The following SYTL2 variants were observed in gnomAD, a reference collection of about 807,000 sequenced individuals.
SYTL2 encodes synaptotagmin like 2.
Under a neutral mutation model 198.7 loss-of-function variants are expected in SYTL2, and 165 were observed. The ratio of observed to expected loss-of-function variants is 0.83; its 90% CI spans 0.73 to 0.94. The LOEUF (loss-of-function observed/expected upper bound fraction) is 0.94, where lower values mean the gene tolerates loss of function less well. Ranked by LOEUF, SYTL2 falls within the 40% of genes least tolerant of loss-of-function variation. The pLI, the probability that SYTL2 is intolerant of heterozygous loss-of-function variation, is 0.00. For missense variants in SYTL2, 2,835 were observed against 2,582.8 expected (o/e 1.10, Z -2.12); for synonymous variants, 966 against 917.7 (o/e 1.05, Z -0.95).
intron 1 of SYTL2, among the ~76,000 whole-genome samples, chr11:85,787,701 C>CTTTTTTTTTTTT (rs56177666): frequency 1.0e-4 from 9 of 90,414 alleles, no homozygotes; most frequent in East Asian, 3.0e-4. Context: ...TTTTCTTTTC[C>CTTTTTTTTTTTT]TTTTTTTTTT....
the SYTL2 span, among the ~76,000 whole-genome samples, chr11:85,836,740 T>C: frequency 1.3e-5 from 2 of 152,120 alleles, no homozygotes; most frequent in African/African-American, 4.8e-5. Context: ...TATTACATAT[T>C]ATATTTTATT....
chr11:85,732,250 C>A (rs1329862690), intron 7 of SYTL2, among the ~76,000 whole-genome samples: 1 of 152,168 alleles, frequency 6.6e-6, no homozygotes, highest in African/African-American at 2.4e-5. Context: ...GGGTATATAT[C>A]TAAAGTATTA....
At chr11:85,699,078 A>G (rs1308869997) in intron 17 of SYTL2, among the ~76,000 whole-genome samples, 1 of 152,258 alleles carries the variant, frequency 6.6e-6, no homozygotes, top group Non-Finnish European at 1.5e-5. Context: ...ATCATTAGAT[A>G]TACAGAGAAT....
chr11:85,719,183 T>C lies in SYTL2; in HGVS notation c.5429-340A>G, dbSNP rs887143549. On this transcript the variant is annotated intron_variant, in intron 9 of 19. Coordinates refer to ENST00000359152, the MANE Select transcript of SYTL2 (RefSeq NM_206927.4). ...TATTCTTCTGTAAAGGGTATGATGCTAGCCATGACTAACACCTTCCCAAAC... is the reference window on the plus strand; with the variant it reads ...TATTCTTCTGTAAAGGGTATGATGCCAGCCATGACTAACACCTTCCCAAAC... 72 of 1,282,152 alleles carry C rather than the reference T, an allele frequency of 5.6e-5. 1 individual carries two copies. The highest frequency in any genetic ancestry group is 6.9e-5 in the Non-Finnish European group (69 of 999,288). The allele number at this position is 1,282,152 out of a possible 1,614,324, so 79.4% of individuals were successfully genotyped here. A position where few individuals can be genotyped will look rare whatever the true frequency, so the allele number is the denominator to read the frequency against.
chr11:85,760,203 AC>A (rs2092057334), intron 1 of SYTL2, among the ~76,000 whole-genome samples: 1 of 152,202 alleles, frequency 6.6e-6, no homozygotes, highest in Non-Finnish European at 1.5e-5. Flanking sequence ...AAAAGGACAG[AC>A]CTGAACCTGA....
In SYTL2 at chr11:85,698,061, T is replaced by G. The variant is rs200001290; in HGVS notation, c.6286A>C (p.Thr2096Pro). The G allele has an allele frequency of 6.2e-5, 100 of 1,613,410 alleles. No homozygotes were observed. The highest frequency in any genetic ancestry group is 7.9e-5 in the Non-Finnish European group (93 of 1,179,580). Residue 2096 changes from threonine to proline, a missense_variant, in exon 18 of 20, where the codon ACT (threonine) becomes CCT (proline). Around this residue, in one of 3 missense-constraint regions of SYTL2, gnomAD observed 185 missense variants for 182.1 expected, o/e 1.02. Transcript: ENST00000359152. ...EPVPGKKLPT[T>P]GEVHIWVKEC... The stretch of plus-strand genomic sequence containing the variant: ...TTCACCCAGATGTGCACTTCTCCAG[T>G]TGTAGGAAGCTTTTTACCTACAATA...
chr11:85,738,112 G>T (rs1363884021), intron 4 of SYTL2, among the ~76,000 whole-genome samples: 1 of 152,150 alleles, frequency 6.6e-6, no homozygotes, highest in Non-Finnish European at 1.5e-5. Flanking sequence ...GGAGGTAGGG[G>T]TAAGATTCCT....
At chr11:85,763,407 G>C (rs2092151065) in intron 1 of SYTL2, among the ~76,000 whole-genome samples, 1 of 152,186 alleles carries the variant, frequency 6.6e-6, no homozygotes, top group Non-Finnish European at 1.5e-5. Context: ...CCACATAGTT[G>C]GTGCTTGCCT....
intron 1 of SYTL2, among the ~76,000 whole-genome samples, chr11:85,789,340 G>GTGTA (rs1280779293): frequency 1.6e-5 from 1 of 62,526 alleles, no homozygotes; most frequent in African/African-American, 7.4e-5. Context: ...GTGTGTGTGT[G>GTGTA]TATATATATA....
chr11:85,778,915 T>C (rs1040355581), intron 1 of SYTL2, among the ~76,000 whole-genome samples: 1 of 152,046 alleles, frequency 6.6e-6, no homozygotes, highest in Non-Finnish European at 1.5e-5. Flanking sequence ...GAGGCAGAGG[T>C]TGCGGTGAGA....
the SYTL2 span, among the ~76,000 whole-genome samples, chr11:85,823,638 C>T: frequency 1.6e-4 from 25 of 152,060 alleles, no homozygotes; most frequent in Non-Finnish European, 8.8e-5. Flanking sequence ...ACTAAGTATC[C>T]GTTACTGGGT....
chr11:85,726,419 G>A lies in SYTL2; in HGVS notation c.2939C>T (p.Ser980Phe). ...AAACTTTCTCAAATTCTCAAACTGA[G>A]AGGGATTATAGACCTGTTCTGCATT... ...EPNAEQVYNP[S>F]QFENLRKFWD... The change falls in exon 8 of 20, where the codon TCT becomes TTT. Residue 980 changes from serine (S) to phenylalanine (F), a missense_variant. Physicochemically the swap from Ser to Phe is radical, Grantham distance 155 (BLOSUM62 -2). Coordinates refer to ENST00000359152, the MANE Select transcript of SYTL2 (RefSeq NM_206927.4). The A allele has an allele frequency of 1.2e-6, 2 of 1,613,274 alleles. No individual in the cohort carries two copies. Among genetic ancestry groups the A allele is most frequent in the Non-Finnish European group, 1.7e-6 (2 of 1,179,776 alleles).
intron 1 of SYTL2, among the ~76,000 whole-genome samples, chr11:85,761,923 T>C (rs1480585398): frequency 6.6e-6 from 1 of 152,146 alleles, no homozygotes; most frequent in African/African-American, 2.4e-5. Flanking sequence ...CCTCCCAAAG[T>C]ATTGGGATTA....
At chr11:85,789,281 GTA>G (rs543616364) in intron 1 of SYTL2, among the ~76,000 whole-genome samples, 146 of 130,242 alleles carry the variant, frequency 1.1e-3, no homozygotes, top group Middle Eastern at 8.4e-3. Context: ...GTGTGTGTGT[GTA>G]TATATATATA....
At chr11:85,705,745 T>C (rs1399872064) in intron 15 of SYTL2, among the ~76,000 whole-genome samples, 1 of 152,206 alleles carries the variant, frequency 6.6e-6, no homozygotes, top group East Asian at 1.9e-4. Context: ...ATGTCCACTG[T>C]GGTTGTAGTA....
chr11:85,795,007 A>G (rs985877578), intron 1 of SYTL2, among the ~76,000 whole-genome samples: 12 of 151,986 alleles, frequency 7.9e-5, no homozygotes, highest in African/African-American at 2.9e-4. Flanking sequence ...TTTACATTTC[A>G]GAAGTATTGC....
rs552610751 is a variant in SYTL2 at position 85,767,105 on chromosome 11, T to C, written c.-389-8991A>G. Among the ~76,000 whole-genome samples the C allele has an allele frequency of 6.6e-5, 10 of 152,352 alleles. No individual in the cohort carries two copies. The South Asian group carries it at 8.3e-4, about 13-fold the overall frequency. ...TAGCAAAGTTAAACACGCATATTTG[T>C]ATATCAATTGTTTTCAGCTGTTACA... On this transcript the variant is annotated intron_variant, in intron 1 of 19. Coordinates refer to ENST00000359152, the MANE Select transcript of SYTL2 (RefSeq NM_206927.4).
At chr11:85,813,616 A>G (rs2093057829), upstream of SYTL2, among the ~76,000 whole-genome samples, 1 of 152,270 alleles carries the variant, frequency 6.6e-6, no homozygotes, top group East Asian at 1.9e-4. Flanking sequence ...TCCTGGCTCT[A>G]CCACAGAACT....
At chr11:85,785,724 AAAG>A (rs1482814222) in intron 1 of SYTL2, among the ~76,000 whole-genome samples, 1 of 152,170 alleles carries the variant, frequency 6.6e-6, no homozygotes, top group African/African-American at 2.4e-5. Context: ...GTTTTCCTCC[AAAG>A]AAGCTACATA....
Sources: allele counts gnomAD v4.1 joint callset (sites outside exome capture counted in the v4.1 genomes callset), GRCh38; gene constraint gnomAD v4.1.1; regional missense constraint gnomAD v4.1.1; transcripts MANE v1.5; gene names NCBI Gene and HGNC (gene_info 2026-07-23, HGNC 2026-07-21).